The following FAIM2 variants were observed in gnomAD, a reference collection of about 807,000 sequenced individuals.
The protein encoded by FAIM2 is protein lifeguard 2.
In FAIM2, 27 loss-of-function variants were observed where a neutral mutation model predicts 47.4. The ratio of observed to expected loss-of-function variants is 0.57; its 90% CI spans 0.42 to 0.78. FAIM2 has a LOEUF of 0.78. Ranked by LOEUF, FAIM2 falls within the 30% of genes least tolerant of loss-of-function variation. FAIM2 has a pLI of 0.00. For synonymous variants in FAIM2, 156 were observed against 159.3 expected, an observed-to-expected ratio of 0.98 and a Z score of 0.16; for missense variants, 311 against 389.4, an observed-to-expected ratio of 0.80 and a Z score of 1.69.
intron 11 of FAIM2, among the ~76,000 whole-genome samples, chr12:49,880,692 GCATGTGAGTC>G (rs1946816096): frequency 6.6e-6 from 1 of 151,482 alleles, no homozygotes; most frequent in African/African-American, 2.4e-5. Flanking sequence ...GCATGTGTAT[GCATGTGAGTC>G]CATGTGTGTA....
At chr12:49,880,382 CTA>C (rs200547916) in intron 11 of FAIM2, among the ~76,000 whole-genome samples, 19,255 of 134,534 alleles carry the variant, frequency 0.14, 1,267 homozygotes, top group African/African-American at 0.18. Context: ...GTATGTGTGT[CTA>C]TGTGTGCATG....
At chr12:49,880,690 A>G (rs116602687) in intron 11 of FAIM2, among the ~76,000 whole-genome samples, 2,419 of 149,058 alleles carry the variant, frequency 0.016, 67 homozygotes, top group African/African-American at 0.056. Flanking sequence ...GTGCATGTGT[A>G]TGCATGTGAG....
intron 1 of FAIM2, 113 bp from the exon 2 acceptor site, chr12:49,901,438 C>T (rs1051368464): frequency 1.0e-5 from 8 of 766,986 alleles, no homozygotes; most frequent in African/African-American, 9.1e-5. Flanking sequence ...TCCTTACCTG[C>T]ACTTGGAAGC....
In FAIM2 at chr12:49,894,695, A is replaced by C. The variant is rs143742594; in HGVS notation, c.434+2336T>G. 2.7e-3 allele frequency among the ~76,000 whole-genome samples: 404 copies of C among 152,302 alleles called. 4 individuals are homozygous for C. Among genetic ancestry groups the C allele is most frequent in the African/African-American group, 9.2e-3 (384 of 41,564 alleles). On this transcript the variant is annotated intron_variant, in intron 5 of 11. Transcript: ENST00000320634. ...CCCAGCTTGTCCTGCTCTAAGACAA[A>C]GGAGGAAGCAGAGCACAGAGGGCAA...
chr12:49,900,068 G>T, intron 2 of FAIM2: 1 of 474,768 alleles, frequency 2.1e-6, no homozygotes, highest in Non-Finnish European at 3.6e-6. Context: ...AGCCCAGGTG[G>T]CCAGGCCACA....
At chr12:49,888,808 G>T (rs558315704) in intron 10 of FAIM2, among the ~76,000 whole-genome samples, 66 of 152,312 alleles carry the variant, frequency 4.3e-4, no homozygotes, top group African/African-American at 1.5e-3. Context: ...CCTGCCCAGG[G>T]TTTAAATGCT....
chr12:49,877,687 C>G (rs183503786), intron 11 of FAIM2, among the ~76,000 whole-genome samples: 374 of 31,754 alleles, frequency 0.012, 10 homozygotes, highest in African/African-American at 0.063. Context: ...TGGGTCTGGC[C>G]CAGGCTGGTC....
intron 2 of FAIM2, among the ~76,000 whole-genome samples, chr12:49,898,333 T>C (rs1012267919): frequency 1.3e-5 from 2 of 152,162 alleles, no homozygotes; most frequent in African/African-American, 4.8e-5. Flanking sequence ...CCCCTACCTC[T>C]CCCTCCACCC....
intron 11 of FAIM2, among the ~76,000 whole-genome samples, chr12:49,880,502 GTA>G (rs1477546725): frequency 2.4e-4 from 27 of 111,596 alleles, no homozygotes; most frequent in South Asian, 9.6e-4. Context: ...GTATGTGTGT[GTA>G]TGAGTGTGTA....
At chr12:49,895,165 T>C (rs1486496350) in intron 5 of FAIM2, among the ~76,000 whole-genome samples, 1 of 152,056 alleles carries the variant, frequency 6.6e-6, no homozygotes, top group Non-Finnish European at 1.5e-5. Context: ...GAACACCCTA[T>C]GAAAAGCGCC....
intron 11 of FAIM2, among the ~76,000 whole-genome samples, chr12:49,879,889 CAT>C (rs1946794366): frequency 1.7e-5 from 2 of 115,460 alleles, no homozygotes; most frequent in Non-Finnish European, 3.8e-5. Flanking sequence ...TGTATGTGTG[CAT>C]GTGTATGTGC....
chr12:49,890,770 G>A, intron 6 of FAIM2, 48 bp from the exon 7 acceptor site: 1 of 1,554,606 alleles, frequency 6.4e-7, no homozygotes, highest in Non-Finnish European at 8.9e-7. Context: ...GGTGGGGGCA[G>A]TGGACCCAGG....
At position 49,879,259 on chromosome 12, in the gene FAIM2, T is replaced by C. The variant is rs571436286; in HGVS notation, c.801+8127A>G. Among the ~76,000 whole-genome samples the C allele has an allele frequency of 1.8e-4, 20 of 110,136 alleles. 3 individuals are homozygous for C. The highest frequency in any genetic ancestry group is 3.0e-4 in the Non-Finnish European group (17 of 56,340). 72.3% of individuals were successfully genotyped at this position (110,136 alleles called of 152,430 possible). A position where few individuals can be genotyped will look rare whatever the true frequency, so the allele number is the denominator to read the frequency against. On this transcript the variant is annotated intron_variant, in intron 11 of 11. Coordinates refer to ENST00000320634, the MANE Select transcript of FAIM2 (RefSeq NM_012306.4). ...ATGCATGCATGTGTGTGCATGTGTG[T>C]ATGTGTGCATGTGTATATGTGTGTA...
At chr12:49,889,690 C>T (rs1946886020) in intron 8 of FAIM2, 122 bp from the exon 9 acceptor site, 2 of 758,084 alleles carry the variant, frequency 2.6e-6, no homozygotes, top group African/African-American at 1.7e-5. Flanking sequence ...CAGTCTGGTG[C>T]CCTTTCCCCA....
Position 49,870,053 on chromosome 12 carries a change from C to T in FAIM2, c.*451G>A, listed in dbSNP as rs540849571. On this transcript the variant is annotated 3_prime_UTR_variant, in exon 12 of 12. Transcript: ENST00000320634. ...TTTCTTACAAAGTGTCAATGCCTGA[C>T]CTGGATGAGAAAGACAGGAGGACAC... The T allele has an allele frequency of 6.5e-6, 1 of 154,928 alleles. No individual in the cohort carries two copies. Among genetic ancestry groups the T allele is most frequent in the African/African-American group, 2.4e-5 (1 of 41,644 alleles). 9.6% of individuals were successfully genotyped at this position (154,928 alleles called of 1,614,324 possible).
intron 11 of FAIM2, among the ~76,000 whole-genome samples, chr12:49,879,943 T>C (rs1946795379): frequency 6.9e-6 from 1 of 144,786 alleles, no homozygotes; most frequent in Non-Finnish European, 1.5e-5. Context: ...TGCCCTTGTA[T>C]ATATGTGCGC....
In FAIM2 at chr12:49,889,461, C is replaced by A. The variant is rs1226038504; in HGVS notation, c.651+20G>T. 6.2e-7 allele frequency: 1 copy of A among 1,610,304 alleles called. No individual in the cohort carries two copies. The highest frequency in any genetic ancestry group is 1.7e-5 in the Admixed American group (1 of 60,012). On this transcript the variant is annotated intron_variant, in intron 9 of 11. Coordinates refer to ENST00000320634, the MANE Select transcript of FAIM2 (RefSeq NM_012306.4). ...TCAGCCTCAGGCCAGGGGTCCCTGCCTGCAGGCCCCAGAGCTGACCTTGGT... is the reference window on the plus strand; with the variant it reads ...TCAGCCTCAGGCCAGGGGTCCCTGCATGCAGGCCCCAGAGCTGACCTTGGT...
At chr12:49,894,166 A>G (rs1946919623) in intron 5 of FAIM2, among the ~76,000 whole-genome samples, 1 of 152,216 alleles carries the variant, frequency 6.6e-6, no homozygotes, top group Non-Finnish European at 1.5e-5. Context: ...TACTGGTACC[A>G]ACTCACTGGC....
rs186740048 is a variant in FAIM2 at position 49,868,661 on chromosome 12, G to T, written c.*1843C>A. 6.6e-6 allele frequency: 1 copy of T among 152,166 alleles called. No individual in the cohort carries two copies. Among genetic ancestry groups the T allele is most frequent in the Non-Finnish European group, 1.5e-5 (1 of 68,068 alleles). 9.4% of individuals were successfully genotyped at this position (152,166 alleles called of 1,614,324 possible). ...AGCTGTGGGTCTGAACCCCAGGCCCGCCACTCGCTAGCCGTATGACCTGGG... is the reference window on the plus strand; with the variant it reads ...AGCTGTGGGTCTGAACCCCAGGCCCTCCACTCGCTAGCCGTATGACCTGGG... On this transcript the variant is annotated 3_prime_UTR_variant, in exon 12 of 12. Coordinates refer to ENST00000320634, the MANE Select transcript of FAIM2 (RefSeq NM_012306.4).
Sources: allele counts gnomAD v4.1 joint callset (sites outside exome capture counted in the v4.1 genomes callset), GRCh38; gene constraint gnomAD v4.1.1; transcripts MANE v1.5; gene names NCBI Gene and HGNC (gene_info 2026-07-23, HGNC 2026-07-21).